SMS: variants seen among roughly 807,000 people sequenced by gnomAD.
The protein encoded by SMS is spermidine aminopropyltransferase.
Under a neutral mutation model 33.0 loss-of-function variants are expected in SMS, and 3 were observed. The observed-to-expected ratio is 0.09, with a 90% confidence interval of 0.04 to 0.23. The LOEUF (loss-of-function observed/expected upper bound fraction) is 0.23, where lower values mean the gene tolerates loss of function less well. Among genes scored for constraint, SMS ranks in the 10% least tolerant of loss-of-function variants. SMS has a pLI of 1.00. For missense variants in SMS, 117 were observed against 288.6 expected, an observed-to-expected ratio of 0.41 and a Z score of 4.31; for synonymous variants, 103 against 112.2, an observed-to-expected ratio of 0.92 and a Z score of 0.52.
At chrX:21,989,472 C>G (rs1056713317) in intron 9 of SMS, among the ~76,000 whole-genome samples, 1 of 111,954 alleles carries the variant, frequency 8.9e-6, no homozygotes, top group Non-Finnish European at 1.9e-5. Context: ...ACTCCCTCCA[C>G]TTAAGAGAGA....
At chrX:21,965,577 A>G (rs5951674) in intron 1 of SMS, among the ~76,000 whole-genome samples, 2 of 50,859 alleles carry the variant, frequency 3.9e-5, no homozygotes, top group Admixed American at 6.0e-4. Context: ...CGTCTCTACT[A>G]CAAATACAAA....
At chrX:21,986,727 G>C (rs1925362382) in intron 9 of SMS, among the ~76,000 whole-genome samples, 1 of 112,489 alleles carries the variant, frequency 8.9e-6, no homozygotes, top group African/African-American at 3.2e-5. Flanking sequence ...TAAAGCAGGA[G>C]TCTGCAAACA....
chrX:21,955,715 A>G (rs1348933908), intron 1 of SMS, among the ~76,000 whole-genome samples: 1 of 111,436 alleles, frequency 9.0e-6, no homozygotes, highest in Non-Finnish European at 1.9e-5. Flanking sequence ...CTCAAAAAAC[A>G]TGGTCCTTAA....
At chrX:21,972,016 A>G (rs781694090) in intron 3 of SMS, 26 bp downstream of exon 3, 8 of 974,428 alleles carry the variant, frequency 8.2e-6, no homozygotes, top group Non-Finnish European at 1.2e-5. Flanking sequence ...TCATTTACTC[A>G]GTGTTTAAGG....
chrX:21,983,742 G>T (rs1042039482), intron 7 of SMS, among the ~76,000 whole-genome samples: 2 of 111,648 alleles, frequency 1.8e-5, no homozygotes, highest in Non-Finnish European at 1.9e-5. Flanking sequence ...GAAAAATTAG[G>T]CTGGGTACGG....
At chrX:21,971,289 A>G (rs763838479) in intron 2 of SMS, among the ~76,000 whole-genome samples, 1 of 93,246 alleles carries the variant, frequency 1.1e-5, no homozygotes, top group Non-Finnish European at 2.2e-5. Flanking sequence ...TGTTTATTTC[A>G]TTAAGAAAAA....
chrX:21,975,831 G>A (rs906074980), intron 4 of SMS, among the ~76,000 whole-genome samples: 5 of 110,712 alleles, frequency 4.5e-5, no homozygotes, highest in Non-Finnish European at 1.9e-5. Flanking sequence ...ACTTGTAACA[G>A]GTTTAGACTG....
At chrX:21,981,456 C>G (rs1325300327) in intron 7 of SMS, among the ~76,000 whole-genome samples, 1 of 111,646 alleles carries the variant, frequency 9.0e-6, no homozygotes, top group Non-Finnish European at 1.9e-5. Context: ...CCCAAGAAAA[C>G]TTGAAAAAAG....
intron 9 of SMS, among the ~76,000 whole-genome samples, chrX:21,986,852 T>A (rs1367075034): frequency 8.9e-6 from 1 of 111,956 alleles, no homozygotes; most frequent in Non-Finnish European, 1.9e-5. Context: ...TTGTGGTAGA[T>A]ACTGTATGAT....
At chrX:21,993,901 T>G (rs1408805226) in intron 10 of SMS, among the ~76,000 whole-genome samples, 1 of 107,090 alleles carries the variant, frequency 9.3e-6, no homozygotes, top group Non-Finnish European at 1.9e-5. Flanking sequence ...TTCCCTCTCC[T>G]CCTCCTTCCC....
At position 21,972,581 on chromosome X, in the gene SMS, C is replaced by T; in HGVS notation, c.329+10C>T. The T allele has an allele frequency of 1.8e-6, 2 of 1,113,025 alleles. No homozygotes were observed. Among genetic ancestry groups the T allele is most frequent in the Non-Finnish European group, 2.5e-6 (2 of 805,979 alleles). 91.7% of individuals were successfully genotyped at this position (1,113,025 alleles called of 1,213,427 possible). A position where few individuals can be genotyped will look rare whatever the true frequency, so the allele number is the denominator to read the frequency against. ...CTGGGCGGGTGAAACGGTAAGTCCA[C>T]TCTTGAATGTCCTTTTATATTTAAT... On this transcript the variant is annotated intron_variant, in intron 4 of 10. Transcript: ENST00000404933.
chrX:21,980,429 A>AAAAACATAT (rs1260210326), intron 7 of SMS, among the ~76,000 whole-genome samples: 1 of 63,039 alleles, frequency 1.6e-5, no homozygotes, highest in Non-Finnish European at 3.1e-5. Flanking sequence ...AAAAAAAAAA[A>AAAAACATAT]ATATATATAT....
rs1355893857 is a variant in SMS, at chrX:21,967,093, CTTAT to C, written c.50-92_50-89del. On this transcript the variant is annotated intron_variant, in intron 1 of 10. Coordinates refer to ENST00000404933, the MANE Select transcript of SMS (RefSeq NM_004595.5). The stretch of plus-strand genomic sequence containing the variant: ...ATTTATTTATTTATTTATTTATTTA[CTTAT>C]TTATTTATTTTTAAGCTCAGTCCTC... The C allele has an allele frequency of 1.3e-4, 22 of 169,051 alleles. No homozygotes were observed. In the South Asian group the frequency reaches 1.7e-3, roughly 13 times the overall value. 13.9% of individuals were successfully genotyped at this position (169,051 alleles called of 1,213,427 possible).
intron 1 of SMS, among the ~76,000 whole-genome samples, chrX:21,952,416 TG>T (rs754672953): frequency 0.13 from 11,673 of 92,705 alleles, 671 homozygotes; most frequent in Non-Finnish European, 0.16. Flanking sequence ...GTTGTTTGTT[TG>T]TTTGTTTTTT....
chrX:21,946,380 T>G (rs1039266456), intron 1 of SMS, among the ~76,000 whole-genome samples: 16 of 112,846 alleles, frequency 1.4e-4, no homozygotes, highest in Middle Eastern at 4.6e-3. Context: ...AAAGTTGTAC[T>G]TAGTAATTGC....
intron 4 of SMS, among the ~76,000 whole-genome samples, chrX:21,973,775 G>C (rs919012180): frequency 8.8e-5 from 10 of 113,245 alleles, no homozygotes; most frequent in African/African-American, 3.2e-4. Flanking sequence ...AGTCACAATA[G>C]CTAGTGGTTA....
chrX:21,960,033 A>T (rs1923234080), intron 1 of SMS: 2 of 419,379 alleles, frequency 4.8e-6, no homozygotes. Context: ...CTGTGTGTAC[A>T]TCCGTGTGTG....
intron 1 of SMS, among the ~76,000 whole-genome samples, chrX:21,944,522 C>CAAAAAAAAAAAAAAAAAAAAAAAAAA (rs777680386): frequency 7.5e-4 from 26 of 34,670 alleles, no homozygotes; most frequent in African/African-American, 1.2e-3. Context: ...CCTGTCTCTA[C>CAAAAAAAAAAAAAAAAAAAAAAAAAA]AAAAAAAAAA....
intron 2 of SMS, among the ~76,000 whole-genome samples, chrX:21,968,875 T>A (rs1244201493): frequency 8.9e-6 from 1 of 111,801 alleles, no homozygotes. Context: ...CTAAAGAATT[T>A]ACTCATGTAA....
Sources: allele counts gnomAD v4.1 joint callset (sites outside exome capture counted in the v4.1 genomes callset), GRCh38; gene constraint gnomAD v4.1.1; transcripts MANE v1.5; gene names NCBI Gene and HGNC (gene_info 2026-07-23, HGNC 2026-07-21).